STAB2: variants seen among roughly 807,000 people sequenced by gnomAD.
STAB2 encodes the protein stabilin 2.
In STAB2, 288 loss-of-function variants were observed where a neutral mutation model predicts 338.1. That is an observed-to-expected ratio of 0.85 (90% CI 0.77 to 0.94). The LOEUF (loss-of-function observed/expected upper bound fraction) is 0.94. Among genes scored for constraint, STAB2 ranks in the 40% least tolerant of loss-of-function variants. The pLI is 0.00. For synonymous variants in STAB2, 1,202 were observed against 1,193.3 expected (o/e 1.01, Z -0.15); for missense variants, 3,141 against 3,210.1 (o/e 0.98, Z 0.52).
chr12:103,587,535 C>T lies in STAB2; in HGVS notation c.59C>T (p.Ser20Phe), dbSNP rs1829698223. Reference protein sequence around the residue: ...CLGLVVQNFCSPAETTGQARR... With the variant: ...CLGLVVQNFCFPAETTGQARR... ...GGATTGGTTGTACAAAATTTCTGCT[C>T]CCCAGCTGAAACCACAGGGCAGGTA... is the stretch of plus-strand genomic sequence containing the variant. Residue 20 changes from serine (S) to phenylalanine (F), a missense_variant, in exon 1 of 69, where the codon TCC (serine) becomes TTC (phenylalanine). Physicochemically the swap from Ser to Phe is radical, Grantham distance 155. Transcript: ENST00000388887. 2 of 1,613,936 alleles carry T rather than the reference C, an allele frequency of 1.2e-6. No homozygotes were observed. Among genetic ancestry groups the T allele is most frequent in the East Asian group, 4.5e-5 (2 of 44,866 alleles).
At chr12:103,693,700 G>T (rs1878153250) in intron 31 of STAB2, among the ~76,000 whole-genome samples, 1 of 152,134 alleles carries the variant, frequency 6.6e-6, no homozygotes, top group Non-Finnish European at 1.5e-5. Flanking sequence ...AGGAAAAAAA[G>T]AATAATGAGA....
chr12:103,744,461 CTTTTTTTTT>C (rs3035275), intron 56 of STAB2, among the ~76,000 whole-genome samples: 6 of 122,462 alleles, frequency 4.9e-5, no homozygotes, highest in Non-Finnish European at 6.5e-5. Flanking sequence ...CACAATTTTA[CTTTTTTTTT>C]TTTTTTTTTT....
intron 3 of STAB2, among the ~76,000 whole-genome samples, chr12:103,598,493 A>G (rs1956909751): frequency 6.6e-6 from 1 of 152,218 alleles, no homozygotes; most frequent in Non-Finnish European, 1.5e-5. Flanking sequence ...GAGCATCACA[A>G]TGCATTGGAA....
chr12:103,730,481 C>G lies in STAB2; in HGVS notation c.5223+225C>G, dbSNP rs183227053. Among the ~76,000 whole-genome samples the G allele has an allele frequency of 9.2e-4, 140 of 152,218 alleles. No homozygotes were observed. In the Middle Eastern group the frequency reaches 0.024, roughly 26 times the overall value. On this transcript the variant is annotated intron_variant, in intron 49 of 68. Coordinates refer to ENST00000388887, the MANE Select transcript of STAB2 (RefSeq NM_017564.10). Reference sequence around the variant, plus strand: ...TGTTTTTCTATAGCATCCACAAGGACAGGTAGTCTTACATAGGTTTAGAAA... The same window carrying G: ...TGTTTTTCTATAGCATCCACAAGGAGAGGTAGTCTTACATAGGTTTAGAAA...
intron 3 of STAB2, among the ~76,000 whole-genome samples, chr12:103,618,360 C>T (rs1219169503): frequency 6.6e-6 from 1 of 152,188 alleles, no homozygotes; most frequent in African/African-American, 2.4e-5. Flanking sequence ...CCTCACCAGA[C>T]ACAGAATCTG....
intron 12 of STAB2, among the ~76,000 whole-genome samples, chr12:103,654,288 T>C (rs1475667582): frequency 6.6e-6 from 1 of 152,258 alleles, no homozygotes; most frequent in Admixed American, 6.5e-5. Flanking sequence ...TGCAGTCTGC[T>C]GGAGAAGAGC....
At chr12:103,720,155 A>G (rs1352353564) in intron 44 of STAB2, among the ~76,000 whole-genome samples, 1 of 152,188 alleles carries the variant, frequency 6.6e-6, no homozygotes, top group Non-Finnish European at 1.5e-5. Context: ...ATGTGAAGCT[A>G]TTACCACTAG....
intron 20 of STAB2, 143 bp downstream of exon 20, chr12:103,668,872 C>A (rs1194413413): frequency 5.9e-6 from 4 of 680,622 alleles, no homozygotes; most frequent in Non-Finnish European, 9.6e-6. Flanking sequence ...AAGGTAGATT[C>A]TTCATATGGT....
At chr12:103,595,986 C>T (rs1288452982) in intron 3 of STAB2, among the ~76,000 whole-genome samples, 2 of 152,166 alleles carry the variant, frequency 1.3e-5, no homozygotes, top group African/African-American at 2.4e-5. Context: ...GAGATCCTGC[C>T]GCTTCTGTCT....
chr12:103,668,912 G>A, intron 20 of STAB2, 183 bp downstream of exon 20: 1 of 570,814 alleles, frequency 1.8e-6, no homozygotes, highest in Non-Finnish European at 3.1e-6. Flanking sequence ...CTGCATCACA[G>A]CCTCCCATGG....
intron 39 of STAB2, among the ~76,000 whole-genome samples, chr12:103,709,736 A>G (rs547636873): frequency 6.6e-6 from 1 of 152,216 alleles, no homozygotes; most frequent in Non-Finnish European, 1.5e-5. Context: ...CAAGCCAAAG[A>G]AATATCCCAG....
At chr12:103,755,823 A>T in intron 63 of STAB2, 105 bp downstream of exon 63, 1 of 1,073,570 alleles carries the variant, frequency 9.3e-7, no homozygotes, top group Non-Finnish European at 1.4e-6. Context: ...CACAGTTAAG[A>T]GCATGGGTGC....
intron 5 of STAB2, 66 bp from the exon 6 acceptor site, chr12:103,631,532 A>C: frequency 2.0e-6 from 3 of 1,471,904 alleles, no homozygotes; most frequent in Admixed American, 1.7e-5. Context: ...TAAAAACACT[A>C]GCTTTCCAGA....
At position 103,712,373 on chromosome 12, in the gene STAB2, C is replaced by T; in HGVS notation, c.4341C>T (p.Leu1447=). ...TTGTCCTTCCTTGTTGCAGCTGCCT[C>T]ACCAACTCAGATGGTACAGCTTCAT... ...NGTCHTSANC[L]TNSDGTASCK... Residue 1447 remains leucine, a synonymous_variant, in exon 41 of 69, where the codon CTC becomes CTT. Coordinates refer to ENST00000388887, the MANE Select transcript of STAB2 (RefSeq NM_017564.10). 6.2e-7 allele frequency: 1 copy of T among 1,613,768 alleles called. No homozygotes were observed. Among genetic ancestry groups the T allele is most frequent in the South Asian group, 1.1e-5 (1 of 91,072 alleles).
intron 33 of STAB2, among the ~76,000 whole-genome samples, chr12:103,698,468 C>T (rs1233417330): frequency 6.6e-6 from 1 of 152,082 alleles, no homozygotes; most frequent in African/African-American, 2.4e-5. Flanking sequence ...CCACAGAGCC[C>T]ACCCCTAGCT....
At position 103,688,181 on chromosome 12, in the gene STAB2, T is replaced by C. The variant is rs1877602914; in HGVS notation, c.3011T>C (p.Leu1004Pro). ...GATATGAATAAGGAATTGTCATTTC[T>C]CTCCGAAGCAGCTATATTTAACCGA... The part of the protein sequence containing the change: ...YGNAAVELSF[L>P]SEAAIFNRWI... The change falls in exon 28 of 69, where the codon CTC (leucine) becomes CCC (proline). Residue 1004 changes from leucine (L) to proline (P), a missense_variant. Physicochemically the swap from Leu to Pro is moderately conservative, Grantham distance 98. Transcript: ENST00000388887. The C allele has an allele frequency of 6.2e-7, 1 of 1,613,936 alleles. No homozygotes were observed. Among genetic ancestry groups the C allele is most frequent in the Non-Finnish European group, 8.5e-7 (1 of 1,179,784 alleles).
At chr12:103,603,774 C>T (rs548643121) in intron 3 of STAB2, among the ~76,000 whole-genome samples, 4 of 152,272 alleles carry the variant, frequency 2.6e-5, no homozygotes, top group African/African-American at 4.8e-5. Context: ...GATTTTAATT[C>T]GAATTCCATT....
chr12:103,718,088 T>C (rs1389798473), intron 44 of STAB2, among the ~76,000 whole-genome samples: 1 of 152,184 alleles, frequency 6.6e-6, no homozygotes, highest in East Asian at 1.9e-4. Flanking sequence ...ATCCACTTGC[T>C]TATCCCCTAT....
At position 103,749,176 on chromosome 12, in the gene STAB2, G is replaced by A; in HGVS notation, c.6438+20G>A. On this transcript the variant is annotated intron_variant, in intron 59 of 68. Coordinates refer to ENST00000388887, the MANE Select transcript of STAB2 (RefSeq NM_017564.10). ...GGCCCGGTGAGTCGCTCTTTCCCAG[G>A]GAAATTTGGGAGCAGCGCCGTGGGC... 6.3e-7 allele frequency: 1 copy of A among 1,581,214 alleles called. No individual in the cohort carries two copies. The highest frequency in any genetic ancestry group is 8.6e-7 in the Non-Finnish European group (1 of 1,158,020).
Sources: gnomAD v4.1 joint callset for allele counts (sites outside exome capture counted in the v4.1 genomes callset) on GRCh38, gnomAD v4.1.1 for gene constraint, MANE v1.5 for transcripts, NCBI Gene and HGNC (gene_info 2026-07-23, HGNC 2026-07-21) for gene names.